FOCAD: variants seen among roughly 807,000 people sequenced by gnomAD.
FOCAD encodes the protein KIAA1797.
A neutral mutation model predicts 225.6 loss-of-function variants in FOCAD; 198 were observed. The observed-to-expected ratio is 0.88, with a 90% CI of 0.78 to 0.99. The LOEUF (loss-of-function observed/expected upper bound fraction) is 0.99, where lower values mean the gene tolerates loss of function less well. Ranked by LOEUF, FOCAD falls within the 50% of genes least tolerant of loss-of-function variation. FOCAD has a pLI of 0.00. For synonymous variants in FOCAD, 897 were observed against 755.0 expected (o/e 1.19, Z -3.08); for missense variants, 2,713 against 2,123.6 (o/e 1.28, Z -5.46).
At chr9:20,705,945 T>G (rs916153826) in intron 1 of FOCAD, among the ~76,000 whole-genome samples, 2 of 146,200 alleles carry the variant, frequency 1.4e-5, no homozygotes, top group African/African-American at 5.1e-5. Context: ...TTTTTTTTTT[T>G]TTTTTTTTAA....
At chr9:20,669,568 A>G (rs1189933253) in intron 2 of FOCAD, among the ~76,000 whole-genome samples, 1 of 152,182 alleles carries the variant, frequency 6.6e-6, no homozygotes, top group East Asian at 1.9e-4. Flanking sequence ...TGAGATCAGG[A>G]GTTCAAGACC....
intron 2 of FOCAD, among the ~76,000 whole-genome samples, chr9:20,673,306 C>T (rs1219194516): frequency 6.6e-6 from 1 of 152,166 alleles, no homozygotes; most frequent in Non-Finnish European, 1.5e-5. Context: ...ATTGCTAGGT[C>T]ATACGGAACT....
chr9:20,696,328 C>G lies in FOCAD; in HGVS notation c.-33+12035C>G, dbSNP rs370532585. Among the ~76,000 whole-genome samples the G allele has an allele frequency of 1.2e-4, 19 of 152,274 alleles. No individual in the cohort carries two copies. The East Asian group carries it at 3.5e-3, about 28-fold the overall frequency. ...TAAGAGAGTAGATTTCAAGTGTTCTCACCATACAGACACACACACACACAA... is the reference window on the plus strand; with the variant it reads ...TAAGAGAGTAGATTTCAAGTGTTCTGACCATACAGACACACACACACACAA... On this transcript the variant is annotated intron_variant, in intron 1 of 43. Transcript: ENST00000338382.
intron 39 of FOCAD, among the ~76,000 whole-genome samples, chr9:20,983,245 T>C (rs1840863615): frequency 6.6e-6 from 1 of 152,138 alleles, no homozygotes; most frequent in Admixed American, 6.5e-5. Flanking sequence ...CTCCAGGTGA[T>C]TCTGGTGTAT....
intron 4 of FOCAD, among the ~76,000 whole-genome samples, chr9:20,722,254 C>G (rs1387281086): frequency 6.6e-6 from 1 of 151,716 alleles, no homozygotes; most frequent in Non-Finnish European, 1.5e-5. Context: ...AAGGAAAAGC[C>G]CTTCCCAAAC....
At chr9:20,879,514 T>G (rs1187817205) in intron 19 of FOCAD, among the ~76,000 whole-genome samples, 1 of 152,198 alleles carries the variant, frequency 6.6e-6, no homozygotes, top group Non-Finnish European at 1.5e-5. Context: ...TGTTTTTTCT[T>G]TTTTATTGCT....
intron 25 of FOCAD, among the ~76,000 whole-genome samples, chr9:20,924,696 A>T (rs1834777673): frequency 6.6e-6 from 1 of 152,114 alleles, no homozygotes; most frequent in African/African-American, 2.4e-5. Context: ...CTGGTGACTC[A>T]TTTAAACCAA....
chr9:20,841,398 T>C (rs912770689), intron 15 of FOCAD, among the ~76,000 whole-genome samples: 79 of 149,948 alleles, frequency 5.3e-4, no homozygotes, highest in African/African-American at 1.8e-3. Context: ...TTTCTGGGCT[T>C]TTTTTTTTGA....
At chr9:20,787,788 A>G (rs1820076204) in intron 10 of FOCAD, among the ~76,000 whole-genome samples, 1 of 151,754 alleles carries the variant, frequency 6.6e-6, no homozygotes, top group Non-Finnish European at 1.5e-5. Flanking sequence ...AGCAACTACA[A>G]ATATATTATC....
At chr9:20,929,290 C>A in intron 26 of FOCAD, 68 bp from the exon 27 acceptor site, 1 of 1,247,950 alleles carries the variant, frequency 8.0e-7, no homozygotes, top group Non-Finnish European at 1.2e-6. Context: ...TTGTATAGTG[C>A]TTTTATGATA....
intron 4 of FOCAD, among the ~76,000 whole-genome samples, chr9:20,730,848 T>C (rs1826626635): frequency 6.6e-6 from 1 of 152,306 alleles, no homozygotes; most frequent in South Asian, 2.1e-4. Flanking sequence ...TTACTTTTCT[T>C]ATTCCATCAG....
intron 15 of FOCAD, among the ~76,000 whole-genome samples, chr9:20,848,628 A>G (rs1358168016): frequency 6.6e-6 from 1 of 151,872 alleles, no homozygotes; most frequent in East Asian, 1.9e-4. Context: ...TGAAACCTGT[A>G]AGGGGAAGAA....
At chr9:20,980,640 C>T (rs140672062) in intron 37 of FOCAD, among the ~76,000 whole-genome samples, 1 of 152,076 alleles carries the variant, frequency 6.6e-6, no homozygotes, top group South Asian at 2.1e-4. Context: ...TTCCTCTGTC[C>T]CTCCCCTATT....
chr9:20,947,818 T>C (rs1047395632), intron 30 of FOCAD, among the ~76,000 whole-genome samples: 6 of 152,308 alleles, frequency 3.9e-5, no homozygotes, highest in Admixed American at 3.3e-4. Flanking sequence ...TTATCGTTAC[T>C]GTTTTATGGT....
chr9:20,864,032 C>T (rs145161234), intron 16 of FOCAD, among the ~76,000 whole-genome samples: 415 of 152,056 alleles, frequency 2.7e-3, no homozygotes, highest in Non-Finnish European at 4.4e-3. Context: ...GCTTTGGGGC[C>T]GTTCTCTCTA....
chr9:20,867,051 G>C lies in FOCAD; in HGVS notation c.2190+39G>C, dbSNP rs1330739659. On this transcript the variant is annotated intron_variant, in intron 18 of 43. Coordinates refer to ENST00000338382, the MANE Select transcript of FOCAD (RefSeq NM_001375567.1). Reference sequence around the variant, plus strand: ...CTTTCTCACTGGTATTTCTTAATTTGCTAGGGTTTACAACTTTTTCTCTCT... The same window carrying C: ...CTTTCTCACTGGTATTTCTTAATTTCCTAGGGTTTACAACTTTTTCTCTCT... 3 of 1,386,748 alleles carry C rather than the reference G, an allele frequency of 2.2e-6. No homozygotes were observed. The African/African-American group carries it at 4.3e-5, about 20-fold the overall frequency. The allele number at this position is 1,386,748 out of a possible 1,614,324, so 85.9% of individuals were successfully genotyped here.
chr9:20,926,429 A>C lies in FOCAD; in HGVS notation c.3078+12A>C. ...CCTGGTTTTATTATGTAAGTGCAAA[A>C]AATAAAAAATGATCAGAAAACTCAA... On this transcript the variant is annotated intron_variant, in intron 26 of 43. Coordinates refer to ENST00000338382, the MANE Select transcript of FOCAD (RefSeq NM_001375567.1). The C allele has an allele frequency of 6.8e-7, 1 of 1,479,346 alleles. No individual in the cohort carries two copies. Among genetic ancestry groups the C allele is most frequent in the Non-Finnish European group, 9.4e-7 (1 of 1,058,774 alleles). 91.6% of individuals were successfully genotyped at this position (1,479,346 alleles called of 1,614,324 possible).
chr9:20,971,635 G>T, intron 35 of FOCAD, among the ~76,000 whole-genome samples: 1 of 151,678 alleles, frequency 6.6e-6, no homozygotes, highest in Middle Eastern at 3.2e-3. Context: ...GAGATGAGAT[G>T]GAATTTCTCC....
chr9:20,892,582 G>C (rs1341962799), intron 21 of FOCAD, among the ~76,000 whole-genome samples: 1 of 152,080 alleles, frequency 6.6e-6, no homozygotes, highest in Admixed American at 6.6e-5. Context: ...CTGAGGATGT[G>C]ACTGAACTGC....
Sources: gnomAD v4.1 joint callset for allele counts (sites outside exome capture counted in the v4.1 genomes callset) on GRCh38, gnomAD v4.1.1 for gene constraint, MANE v1.5 for transcripts, NCBI Gene and HGNC (gene_info 2026-07-23, HGNC 2026-07-21) for gene names.